ERICH3: variants seen among roughly 807,000 people sequenced by gnomAD.
The protein encoded by ERICH3 is glutamate rich 3.
ERICH3 carries 126 observed loss-of-function variants against 131.1 expected under a neutral mutation model. That is an observed-to-expected ratio of 0.96 (90% CI 0.83 to 1.11). ERICH3 has a LOEUF of 1.11. Among genes scored for constraint, ERICH3 ranks in the 50% most tolerant of loss-of-function variants. ERICH3 has a pLI of 0.00. For missense variants in ERICH3, 2,050 were observed against 1,810.7 expected (o/e 1.13, Z -2.40); for synonymous variants, 695 against 644.6 (o/e 1.08, Z -1.18).
At position 74,612,689 on chromosome 1, in the gene ERICH3, G is replaced by A; in HGVS notation, c.1121C>T (p.Ser374Phe). Residue 374 changes from serine (S) to phenylalanine (F), a missense_variant, in exon 9 of 15, where the codon TCC becomes TTC. Transcript: ENST00000326665. ...GTAGCCTCGTTTGCCTCCAAGCCTGGAACCTTTCCGATGCTTGTATTCACA... is the reference window on the plus strand; with the variant it reads ...GTAGCCTCGTTTGCCTCCAAGCCTGAAACCTTTCCGATGCTTGTATTCACA... Reference protein sequence around the residue: ...SCCEYKHRKGSRLGGKRGYFG... With the variant: ...SCCEYKHRKGFRLGGKRGYFG... The A allele has an allele frequency of 1.2e-6, 2 of 1,602,260 alleles. No homozygotes were observed. The highest frequency in any genetic ancestry group is 1.7e-6 in the Non-Finnish European group (2 of 1,171,106).
intron 6 of ERICH3, chr1:74,634,593 C>T: frequency 1.4e-6 from 1 of 693,122 alleles, no homozygotes. Flanking sequence ...ATGGTGTTCA[C>T]ATGTCTAATG....
intron 2 of ERICH3, 43 bp downstream of exon 2, chr1:74,649,179 T>G: frequency 7.2e-7 from 1 of 1,383,052 alleles, no homozygotes. Context: ...ATTATTGGAC[T>G]TAATGAAACA....
intron 2 of ERICH3, among the ~76,000 whole-genome samples, chr1:74,648,919 C>G (rs910728955): frequency 6.6e-6 from 1 of 152,052 alleles, no homozygotes. Context: ...CAGTTTCTAC[C>G]TCATACAATG....
intron 11 of ERICH3, among the ~76,000 whole-genome samples, chr1:74,599,196 TG>T (rs1220246104): frequency 6.6e-6 from 1 of 152,126 alleles, no homozygotes; most frequent in Admixed American, 6.6e-5. Flanking sequence ...TCAATGTAAT[TG>T]GAACACTGAT....
In ERICH3 at chr1:74,572,396, GT is replaced by G. The variant is rs1357983018; in HGVS notation, c.3313del (p.Thr1105GlnfsTer5). ...TTCCTCAGCTCTTACTTCTGTCTCT[GT>G]TTCCCCTTCTTCCGCTTTAAGTTTT... ...EQKLKAEEGE[T>X]ETEVRAEEET... On this transcript the variant is annotated frameshift_variant, in exon 14 of 15. Transcript: ENST00000326665. LOFTEE classifies it high-confidence loss of function. 1 of 1,613,722 alleles carries G rather than the reference GT, an allele frequency of 6.2e-7. No homozygotes were observed. The highest frequency in any genetic ancestry group is 1.7e-5 in the Admixed American group (1 of 60,004).
At chr1:74,593,699 A>G (rs1647713786) in intron 11 of ERICH3, among the ~76,000 whole-genome samples, 1 of 152,130 alleles carries the variant, frequency 6.6e-6, no homozygotes, top group African/African-American at 2.4e-5. Context: ...CCAAACCATG[A>G]CATAGCACTT....
intron 1 of ERICH3, among the ~76,000 whole-genome samples, chr1:74,649,906 G>A (rs999718804): frequency 1.3e-5 from 2 of 151,832 alleles, no homozygotes; most frequent in African/African-American, 4.8e-5. Flanking sequence ...TTCCACTCCC[G>A]CTCCCCACCT....
At chr1:74,579,818 A>G in intron 12 of ERICH3, 1 of 985,228 alleles carries the variant, frequency 1.0e-6, no homozygotes, top group Non-Finnish European at 1.2e-6. Context: ...ACCTATCAAT[A>G]AAGGTGACCA....
intron 11 of ERICH3, 46 bp downstream of exon 11, chr1:74,599,649 A>G (rs1453809983): frequency 1.4e-6 from 2 of 1,413,784 alleles, no homozygotes; most frequent in Non-Finnish European, 1.9e-6. Flanking sequence ...AGTAGTAAAC[A>G]CACTCAGTAA....
intron 1 of ERICH3, among the ~76,000 whole-genome samples, chr1:74,660,497 T>C (rs1011194954): frequency 6.6e-6 from 1 of 151,162 alleles, no homozygotes; most frequent in Non-Finnish European, 1.5e-5. Context: ...ACACAGTCTT[T>C]TATAGATACA....
At chr1:74,662,749 T>G (rs1196828084) in intron 1 of ERICH3, among the ~76,000 whole-genome samples, 1 of 151,382 alleles carries the variant, frequency 6.6e-6, no homozygotes, top group Non-Finnish European at 1.5e-5. Flanking sequence ...ACATGTCACC[T>G]AAATAGGTAA....
intron 1 of ERICH3, among the ~76,000 whole-genome samples, chr1:74,664,195 G>A (rs1646667976): frequency 1.3e-5 from 2 of 151,758 alleles, no homozygotes; most frequent in South Asian, 4.1e-4. Context: ...TAATAAAAAT[G>A]GAAACTATAA....
intron 11 of ERICH3, among the ~76,000 whole-genome samples, chr1:74,597,715 T>C (rs1647921230): frequency 6.6e-6 from 1 of 151,970 alleles, no homozygotes; most frequent in Non-Finnish European, 1.5e-5. Flanking sequence ...AGAAATCAGC[T>C]ATGTCAATAT....
chr1:74,619,388 C>T (rs963276177), intron 8 of ERICH3, among the ~76,000 whole-genome samples: 11 of 152,066 alleles, frequency 7.2e-5, no homozygotes, highest in African/African-American at 2.2e-4. Flanking sequence ...ACATTAATTC[C>T]GACTTTACAG....
intron 7 of ERICH3, among the ~76,000 whole-genome samples, chr1:74,628,967 G>A (rs1409986678): frequency 6.6e-6 from 1 of 152,070 alleles, no homozygotes; most frequent in Non-Finnish European, 1.5e-5. Flanking sequence ...GTCTACAAAT[G>A]TAAAAATATG....
chr1:74,651,504 T>C (rs1022562029), intron 1 of ERICH3, among the ~76,000 whole-genome samples: 1 of 152,148 alleles, frequency 6.6e-6, no homozygotes, highest in African/African-American at 2.4e-5. Flanking sequence ...ATCAAAGGTT[T>C]CCTGTCTCCA....
intron 1 of ERICH3, among the ~76,000 whole-genome samples, chr1:74,650,998 C>G (rs1646529175): frequency 6.6e-6 from 1 of 151,738 alleles, no homozygotes; most frequent in Non-Finnish European, 1.5e-5. Context: ...TAAAGATAGT[C>G]CAAACGCAAA....
chr1:74,628,568 A>G (rs576074381), intron 7 of ERICH3, among the ~76,000 whole-genome samples: 2 of 152,252 alleles, frequency 1.3e-5, no homozygotes, highest in South Asian at 4.1e-4. Context: ...TAAGGCTTCC[A>G]GTCAACAGTA....
rs1646759706 is a variant in ERICH3, at chr1:74,673,410, T to C, written c.23+87A>G. On this transcript the variant is annotated intron_variant, in intron 1 of 14. Transcript: ENST00000326665. The stretch of plus-strand genomic sequence containing the variant: ...CTCCCCCTCGCTCCCCTCTCGCCCC[T>C]TCCCTCCGCAGCAGGAGGGAGGAGG... The C allele has an allele frequency of 8.6e-6, 13 of 1,518,202 alleles. No homozygotes were observed. In the South Asian group the frequency reaches 9.3e-5, roughly 11 times the overall value. 94.0% of individuals were successfully genotyped at this position (1,518,202 alleles called of 1,614,324 possible). A position where few individuals can be genotyped will look rare whatever the true frequency, so the allele number is the denominator to read the frequency against.
Sources: gnomAD v4.1 joint callset for allele counts (sites outside exome capture counted in the v4.1 genomes callset) on GRCh38, gnomAD v4.1.1 for gene constraint, MANE v1.5 for transcripts, NCBI Gene and HGNC (gene_info 2026-07-23, HGNC 2026-07-21) for gene names.